AP4E1: variants seen among roughly 807,000 people sequenced by gnomAD.
The protein encoded by AP4E1 is AP-4 complex subunit epsilon-1.
A neutral mutation model predicts 128.2 loss-of-function variants in AP4E1; 56 were observed. The observed-to-expected ratio is 0.44, with a 90% CI of 0.35 to 0.55. AP4E1 has a LOEUF of 0.55. Among genes scored for constraint, AP4E1 ranks in the 20% least tolerant of loss-of-function variants. AP4E1 has a pLI of 0.00. For missense variants in AP4E1, 1,324 were observed against 1,307.7 expected (o/e 1.01, Z -0.19); for synonymous variants, 484 against 473.1 (o/e 1.02, Z -0.30).
intron 14 of AP4E1, among the ~76,000 whole-genome samples, chr15:50,961,607 C>T (rs757832441): frequency 2.2e-4 from 33 of 151,806 alleles, no homozygotes; most frequent in South Asian, 4.1e-4. Flanking sequence ...AAATACTCAA[C>T]GTCATAAAGC....
At chr15:50,985,923 T>C (rs1462180869) in intron 16 of AP4E1, among the ~76,000 whole-genome samples, 3 of 152,212 alleles carry the variant, frequency 2.0e-5, no homozygotes, top group African/African-American at 7.2e-5. Flanking sequence ...TTTCACAATA[T>C]TGATTCTTCC....
At chr15:50,948,186 TTAAAA>T in intron 11 of AP4E1, 27 bp downstream of exon 11, 1 of 1,613,052 alleles carries the variant, frequency 6.2e-7, no homozygotes, top group Non-Finnish European at 8.5e-7. Flanking sequence ...ACCATGAGTC[TTAAAA>T]TAGTTAGTTA....
intron 5 of AP4E1, among the ~76,000 whole-genome samples, chr15:50,925,660 C>T (rs1253295567): frequency 2.0e-5 from 3 of 147,494 alleles, no homozygotes; most frequent in Non-Finnish European, 3.0e-5. Context: ...GACAGAGTCT[C>T]ACTCCGTTGT....
intron 13 of AP4E1, among the ~76,000 whole-genome samples, chr15:50,958,177 A>G (rs893818864): frequency 2.0e-5 from 3 of 152,202 alleles, no homozygotes; most frequent in Non-Finnish European, 4.4e-5. Context: ...ACCATCAATA[A>G]GTGCTTACTG....
intron 8 of AP4E1, among the ~76,000 whole-genome samples, chr15:50,935,146 G>A (rs554812204): frequency 1.1e-4 from 16 of 152,156 alleles, no homozygotes; most frequent in Middle Eastern, 3.4e-3. Context: ...AAAACATTAT[G>A]GGGCTTATAA....
intron 15 of AP4E1, among the ~76,000 whole-genome samples, chr15:50,983,568 G>T (rs565764209): frequency 6.6e-6 from 1 of 152,170 alleles, no homozygotes; most frequent in Non-Finnish European, 1.5e-5. Flanking sequence ...ATCAGAATCT[G>T]TGTTAACCTT....
intron 15 of AP4E1, among the ~76,000 whole-genome samples, chr15:50,979,365 TGA>T (rs1000482939): frequency 1.3e-5 from 2 of 152,196 alleles, no homozygotes; most frequent in African/African-American, 4.8e-5. Context: ...GTCATTATCA[TGA>T]GAGTGGGTTG....
chr15:51,001,078 A>G lies in AP4E1; in HGVS notation c.3148A>G (p.Asn1050Asp). ...TGGGAAACTCTGGTTATCCTTCGCA[A>G]ATGATGTGAAACAAAATGTAAAAAT... ...DFGKLWLSFA[N>D]DVKQNVKMSE... Residue 1050 changes from asparagine (N) to aspartate (D), a missense_variant, in exon 20 of 21, where the codon AAT becomes GAT. Physicochemically the swap from Asn to Asp is conservative, Grantham distance 23. Coordinates refer to ENST00000261842, the MANE Select transcript of AP4E1 (RefSeq NM_007347.5). 6.2e-7 allele frequency: 1 copy of G among 1,613,574 alleles called. No homozygotes were observed. The highest frequency in any genetic ancestry group is 1.7e-4 in the Middle Eastern group (1 of 6,056).
At chr15:50,932,154 A>G (rs1294934128) in intron 7 of AP4E1, among the ~76,000 whole-genome samples, 1 of 151,802 alleles carries the variant, frequency 6.6e-6, no homozygotes, top group African/African-American at 2.4e-5. Context: ...TAATTTTTGT[A>G]TTTTTAGTAG....
chr15:50,990,986 C>A (rs771182868), intron 16 of AP4E1, among the ~76,000 whole-genome samples: 3 of 152,134 alleles, frequency 2.0e-5, no homozygotes, highest in Non-Finnish European at 4.4e-5. Context: ...CAATGCATTG[C>A]CGGTGACAAC....
At chr15:50,908,679 A>T, upstream of AP4E1, 1 of 1,310,432 alleles carries the variant, frequency 7.6e-7, no homozygotes, top group Non-Finnish European at 9.9e-7. Context: ...TTCAAAAAAC[A>T]GGAAGTGCCT....
At chr15:50,925,419 AAG>A (rs751400823) in intron 5 of AP4E1, among the ~76,000 whole-genome samples, 200 bp downstream of exon 5, 49 of 152,198 alleles carry the variant, frequency 3.2e-4, no homozygotes, top group Non-Finnish European at 5.4e-4. Context: ...AAGTTAGACT[AAG>A]AGACAGTGAG....
At chr15:50,986,566 C>T (rs1253700947) in intron 16 of AP4E1, among the ~76,000 whole-genome samples, 1 of 152,136 alleles carries the variant, frequency 6.6e-6, no homozygotes, top group East Asian at 1.9e-4. Context: ...TTGAGATAAT[C>T]ATGTGGTTTT....
At chr15:50,940,947 A>G (rs7173930) in intron 8 of AP4E1, among the ~76,000 whole-genome samples, 2,225 of 152,288 alleles carry the variant, frequency 0.015, 68 homozygotes, top group African/African-American at 0.052. Context: ...TAAAATGATT[A>G]TGTTGAAATA....
chr15:50,971,340 A>G (rs553320993), intron 15 of AP4E1, among the ~76,000 whole-genome samples: 3 of 152,208 alleles, frequency 2.0e-5, no homozygotes, highest in East Asian at 3.9e-4. Context: ...ATTCCCTTAT[A>G]TGTGACTTGA....
At chr15:50,975,001 C>T (rs2064532448) in intron 15 of AP4E1, among the ~76,000 whole-genome samples, 1 of 152,080 alleles carries the variant, frequency 6.6e-6, no homozygotes, top group Non-Finnish European at 1.5e-5. Flanking sequence ...GTTTTCTTTG[C>T]TATGCAGAAG....
At chr15:50,922,922 T>C (rs1308259318) in intron 3 of AP4E1, among the ~76,000 whole-genome samples, 1 of 151,854 alleles carries the variant, frequency 6.6e-6, no homozygotes, top group Non-Finnish European at 1.5e-5. Context: ...GGACTACAGG[T>C]GCCCGCCACC....
intron 15 of AP4E1, among the ~76,000 whole-genome samples, chr15:50,980,319 A>G (rs2064626013): frequency 6.6e-6 from 1 of 152,234 alleles, no homozygotes; most frequent in African/African-American, 2.4e-5. Flanking sequence ...TTTATGGAAG[A>G]CAGAATTTAA....
At chr15:50,928,543 C>G (rs1017708492) in intron 5 of AP4E1, among the ~76,000 whole-genome samples, 2 of 152,086 alleles carry the variant, frequency 1.3e-5, no homozygotes, top group Non-Finnish European at 2.9e-5. Context: ...CCACCTCAGC[C>G]TCCCAAAGTG....
Sources: gnomAD v4.1 joint callset for allele counts (sites outside exome capture counted in the v4.1 genomes callset) on GRCh38, gnomAD v4.1.1 for gene constraint, MANE v1.5 for transcripts, NCBI Gene and HGNC (gene_info 2026-07-23, HGNC 2026-07-21) for gene names.